The following TTC8 variants were observed in gnomAD, a reference collection of about 807,000 sequenced individuals.
TTC8 encodes the protein tetratricopeptide repeat domain 8, also known as tetratricopeptide repeat protein 8.
In TTC8, 47 loss-of-function variants were observed where a neutral mutation model predicts 72.5. The ratio of observed to expected loss-of-function variants is 0.65; its 90% CI spans 0.51 to 0.83. The LOEUF (loss-of-function observed/expected upper bound fraction) is 0.83. TTC8 is among the 40% of genes least tolerant of loss of function. The pLI is 0.00. For missense variants in TTC8, 611 were observed against 623.2 expected, an observed-to-expected ratio of 0.98 and a Z score of 0.21; for synonymous variants, 199 against 221.4, an observed-to-expected ratio of 0.90 and a Z score of 0.90.
chr14:88,847,101 A>G (rs886835072), intron 7 of TTC8, among the ~76,000 whole-genome samples: 2 of 152,202 alleles, frequency 1.3e-5, no homozygotes, highest in African/African-American at 4.8e-5. Context: ...AGACTTCTTG[A>G]GTCAGAATCC....
intron 10 of TTC8, among the ~76,000 whole-genome samples, chr14:88,864,934 C>T (rs764794970): frequency 5.9e-5 from 9 of 152,148 alleles, no homozygotes; most frequent in Non-Finnish European, 1.2e-4. Context: ...TTGGCCCTGG[C>T]TGGAGGGATT....
rs1595939283 is a variant in TTC8, at chr14:88,839,465, T to C, written c.158T>C (p.Leu53Ser). ...ELPVHQAAWI[L>S]KARALTEMVY... is the part of the protein sequence containing the mutation. ...CATGGGTTTTAGGCAGCTTGGATCT[T>C]AAAAGCAAGAGCGCTAACAGAAATG... Residue 53 changes from leucine to serine, a missense_variant, in exon 3 of 15, where the codon TTA becomes TCA. Physicochemically the swap from Leu to Ser is moderately radical, Grantham distance 145. Coordinates refer to ENST00000380656, the MANE Select transcript of TTC8 (RefSeq NM_144596.4). The C allele has an allele frequency of 6.2e-7, 1 of 1,613,106 alleles. No homozygotes were observed. The highest frequency in any genetic ancestry group is 1.7e-4 in the Middle Eastern group (1 of 6,050).
At chr14:88,866,666 A>G (rs939103183) in intron 10 of TTC8, among the ~76,000 whole-genome samples, 4 of 152,130 alleles carry the variant, frequency 2.6e-5, no homozygotes, top group African/African-American at 9.7e-5. Context: ...TTAACCATCT[A>G]TACTTTTCCT....
At chr14:88,834,055 C>T (rs948762706) in intron 2 of TTC8, 1 of 332,890 alleles carries the variant, frequency 3.0e-6, no homozygotes. Context: ...GGAGAGTCAG[C>T]GGAATGACAA....
At chr14:88,824,864 G>A in intron 1 of TTC8, 43 bp downstream of exon 1, 3 of 1,548,266 alleles carry the variant, frequency 1.9e-6, no homozygotes, top group Non-Finnish European at 1.8e-6. Flanking sequence ...TGACGCTGAG[G>A]CTGCGGGGTC....
chr14:88,830,878 C>G, intron 1 of TTC8: 1 of 456,066 alleles, frequency 2.2e-6, no homozygotes, highest in Non-Finnish European at 4.4e-6. Flanking sequence ...CTTCATAGTC[C>G]TGCTCCTGAT....
chr14:88,845,926 A>G (rs76625489), intron 7 of TTC8, among the ~76,000 whole-genome samples: 3,422 of 152,166 alleles, frequency 0.022, 143 homozygotes, highest in African/African-American at 0.078. Flanking sequence ...GAGTACTGTA[A>G]CAACAAAGAA....
chr14:88,872,283 A>G (rs1407483178), intron 12 of TTC8, 47 bp from the exon 13 acceptor site: 1 of 1,611,528 alleles, frequency 6.2e-7, no homozygotes, highest in Non-Finnish European at 8.5e-7. Context: ...AGAAGGGAGG[A>G]GGAAGTAAAC....
chr14:88,840,331 A>C (rs987006637), intron 3 of TTC8: 9 of 159,386 alleles, frequency 5.6e-5, no homozygotes, highest in Non-Finnish European at 2.8e-5. Flanking sequence ...GTTCTCAGTC[A>C]TTTATATCTT....
At chr14:88,849,385 G>A (rs1262783842) in intron 7 of TTC8, among the ~76,000 whole-genome samples, 1 of 152,050 alleles carries the variant, frequency 6.6e-6, no homozygotes, top group Non-Finnish European at 1.5e-5. Context: ...CATATATTTT[G>A]TAACTTTAGC....
chr14:88,861,185 G>T, intron 9 of TTC8, 37 bp from the exon 10 acceptor site: 1 of 1,365,838 alleles, frequency 7.3e-7, no homozygotes, highest in South Asian at 1.2e-5. Context: ...TTAATTTTAA[G>T]AACCTATACT....
intron 2 of TTC8, among the ~76,000 whole-genome samples, chr14:88,834,616 G>A (rs2094741642): frequency 6.6e-6 from 1 of 152,138 alleles, no homozygotes; most frequent in Non-Finnish European, 1.5e-5. Flanking sequence ...TTAAAATGTG[G>A]CACTGTGTTC....
At chr14:88,873,041 A>T (rs1186601884) in intron 13 of TTC8, among the ~76,000 whole-genome samples, 1 of 152,144 alleles carries the variant, frequency 6.6e-6, no homozygotes, top group Non-Finnish European at 1.5e-5. Context: ...GATTTTTTTT[A>T]AAACCAAGAC....
intron 6 of TTC8, 96 bp from the exon 7 acceptor site, chr14:88,843,710 C>A: frequency 1.3e-6 from 1 of 780,264 alleles, no homozygotes; most frequent in Non-Finnish European, 2.1e-6. Flanking sequence ...GATGGATAGG[C>A]CCTTTTATCT....
intron 7 of TTC8, among the ~76,000 whole-genome samples, chr14:88,847,889 A>C (rs985041957): frequency 1.3e-5 from 2 of 152,040 alleles, no homozygotes; most frequent in African/African-American, 2.4e-5. Context: ...TTGGGAGGCC[A>C]AGGTGGGTGG....
upstream of TTC8, chr14:88,824,577 C>G: frequency 1.5e-6 from 1 of 671,356 alleles, no homozygotes; most frequent in East Asian, 2.7e-5. Flanking sequence ...TTCTCAGGCG[C>G]GCTGCGGGCA....
chr14:88,825,972 A>AT (rs887251239), intron 1 of TTC8, among the ~76,000 whole-genome samples: 24 of 151,500 alleles, frequency 1.6e-4, no homozygotes, highest in Non-Finnish European at 2.8e-4. Context: ...GTTTTTTTAA[A>AT]TTTTTTTTAT....
At chr14:88,827,750 A>T (rs1004740963) in intron 1 of TTC8, among the ~76,000 whole-genome samples, 1 of 152,204 alleles carries the variant, frequency 6.6e-6, no homozygotes, top group Non-Finnish European at 1.5e-5. Context: ...AGCTTGAAGA[A>T]ATCCTGCCTT....
downstream of TTC8, chr14:88,879,045 G>A (rs1444973660): frequency 6.6e-6 from 1 of 152,106 alleles, no homozygotes; most frequent in Admixed American, 6.6e-5. Flanking sequence ...AATGAACATT[G>A]TGTGCATTAG....
Sources: allele counts gnomAD v4.1 joint callset (sites outside exome capture counted in the v4.1 genomes callset), GRCh38; gene constraint gnomAD v4.1.1; transcripts MANE v1.5; gene names NCBI Gene and HGNC (gene_info 2026-07-23, HGNC 2026-07-21).